GRIK3: variants seen among roughly 807,000 people sequenced by gnomAD.
GRIK3 encodes the protein glutamate receptor ionotropic, kainate 3.
Under a neutral mutation model 102.5 loss-of-function variants are expected in GRIK3, and 29 were observed. The ratio of observed to expected loss-of-function variants is 0.28; its 90% CI spans 0.21 to 0.39. GRIK3 has a LOEUF of 0.39. Ranked by LOEUF, GRIK3 falls within the 10% of genes least tolerant of loss-of-function variation. The pLI, the probability that GRIK3 is intolerant of heterozygous loss-of-function variation, is 1.00. For synonymous variants in GRIK3, 511 were observed against 504.9 expected, an observed-to-expected ratio of 1.01 and a Z score of -0.16; for missense variants, 908 against 1,252.4, an observed-to-expected ratio of 0.73 and a Z score of 4.15.
chr1:36,944,909 A>T (rs1017483911), intron 1 of GRIK3, among the ~76,000 whole-genome samples: 1 of 152,060 alleles, frequency 6.6e-6, no homozygotes. Context: ...TGCCATCTTT[A>T]TATTATGGTC....
chr1:36,853,612 C>T lies in GRIK3; in HGVS notation c.1212+3G>A. ...CTGCCCTCCCTCTCCTGAGACCACG[C>T]ACCTTCTCCAGGCCATCCTCTTTCA... On this transcript the variant is annotated splice_donor_region_variant and intron_variant, in intron 8 of 15. Coordinates refer to ENST00000373091, the MANE Select transcript of GRIK3 (RefSeq NM_000831.4). The T allele has an allele frequency of 6.3e-7, 1 of 1,598,698 alleles. No individual in the cohort carries two copies. Among genetic ancestry groups the T allele is most frequent in the East Asian group, 2.2e-5 (1 of 44,808 alleles).
intron 2 of GRIK3, among the ~76,000 whole-genome samples, chr1:36,884,948 A>G (rs1216088894): frequency 1.3e-5 from 2 of 152,232 alleles, no homozygotes; most frequent in African/African-American, 4.8e-5. Context: ...GAGTGGACCA[A>G]CACAAAGTCT....
In GRIK3 at chr1:36,894,346, T is replaced by A. The variant is rs950287826; in HGVS notation, c.116-3250A>T. On this transcript the variant is annotated intron_variant, in intron 1 of 15. Transcript: ENST00000373091. ...GTATCAGTACTTTATTCCTCTTTATTGCTAAATAATATTACTTTGTATAGA... is the reference window on the plus strand; with the variant it reads ...GTATCAGTACTTTATTCCTCTTTATAGCTAAATAATATTACTTTGTATAGA... Among the ~76,000 whole-genome samples the A allele has an allele frequency of 3.9e-5, 6 of 152,378 alleles. No homozygotes were observed. The South Asian group carries it at 1.0e-3, about 26-fold the overall frequency.
intron 13 of GRIK3, among the ~76,000 whole-genome samples, chr1:36,811,136 A>G (rs1373523096): frequency 2.6e-5 from 4 of 152,214 alleles, no homozygotes; most frequent in Non-Finnish European, 5.9e-5. Context: ...AGGTGTGTGA[A>G]GCGTTTAACA....
Position 37,030,201 on chromosome 1 carries a change from C to A in GRIK3, c.115+3793G>T, listed in dbSNP as rs192587855. Among the ~76,000 whole-genome samples the A allele has an allele frequency of 3.8e-4, 58 of 152,312 alleles. 1 individual carries two copies. In the East Asian group the frequency reaches 0.011, roughly 29 times the overall value. ...AGCTATTTACTTCCAGGGGGGAAAA[C>A]CCTATTGATCTTCATTCAGCTGCTG... On this transcript the variant is annotated intron_variant, in intron 1 of 15. Coordinates refer to ENST00000373091, the MANE Select transcript of GRIK3 (RefSeq NM_000831.4).
At chr1:37,013,866 A>G (rs1642624442) in intron 1 of GRIK3, among the ~76,000 whole-genome samples, 1 of 152,216 alleles carries the variant, frequency 6.6e-6, no homozygotes, top group African/African-American at 2.4e-5. Context: ...AAGCCCCAAG[A>G]CAAAGTTGGA....
chr1:36,913,351 G>T (rs1185232527), intron 1 of GRIK3, among the ~76,000 whole-genome samples: 1 of 152,210 alleles, frequency 6.6e-6, no homozygotes, highest in African/African-American at 2.4e-5. Context: ...ATGAGAGTGG[G>T]CAGAGGCGAG....
chr1:36,991,972 G>A (rs1312650309), intron 1 of GRIK3, among the ~76,000 whole-genome samples: 1 of 152,220 alleles, frequency 6.6e-6, no homozygotes, highest in African/African-American at 2.4e-5. Context: ...GATGGGCTGG[G>A]AAGGGGACTG....
chr1:36,817,383 C>A, intron 12 of GRIK3, 106 bp from the exon 13 acceptor site: 2 of 753,940 alleles, frequency 2.7e-6, no homozygotes, highest in East Asian at 2.6e-5. Context: ...AGCTAAGGCC[C>A]TTTCCCAAGA....
At chr1:36,950,937 T>C (rs138939990) in intron 1 of GRIK3, among the ~76,000 whole-genome samples, 1,652 of 152,126 alleles carry the variant, frequency 0.011, 28 homozygotes, top group African/African-American at 0.038. Flanking sequence ...GGGTTTGGGG[T>C]GGGGCATGAT....
At chr1:36,974,935 C>T (rs539571983) in intron 1 of GRIK3, among the ~76,000 whole-genome samples, 146 of 152,134 alleles carry the variant, frequency 9.6e-4, no homozygotes, top group Non-Finnish European at 1.7e-3. Context: ...ATATGAGGTA[C>T]CTAGAATAGG....
In GRIK3 at chr1:36,812,990, C is replaced by T. The variant is rs548999335; in HGVS notation, c.2091+4070G>A. On this transcript the variant is annotated intron_variant, in intron 13 of 15. Coordinates refer to ENST00000373091, the MANE Select transcript of GRIK3 (RefSeq NM_000831.4). ...TCAACACGTATTATTAGAGCAACTA[C>T]GACGTGCCAGGGCTGTGCAGGGCTG... 3.5e-4 allele frequency among the ~76,000 whole-genome samples: 54 copies of T among 152,354 alleles called. No homozygotes were observed. The South Asian group carries it at 0.011, about 30-fold the overall frequency.
chr1:36,893,319 G>A (rs1182347684), intron 1 of GRIK3, among the ~76,000 whole-genome samples: 1 of 152,052 alleles, frequency 6.6e-6, no homozygotes, highest in African/African-American at 2.4e-5. Flanking sequence ...TTTATAAAAA[G>A]CTCTTAAATT....
chr1:36,815,687 A>C (rs868241601), intron 13 of GRIK3, among the ~76,000 whole-genome samples: 9 of 152,162 alleles, frequency 5.9e-5, no homozygotes, highest in Admixed American at 2.0e-4. Context: ...TTAGAAATGC[A>C]CATTCTCGGC....
chr1:36,799,436 A>T lies in GRIK3; in HGVS notation c.*2415T>A, dbSNP rs1642407941. The T allele has an allele frequency of 6.6e-6, 1 of 152,024 alleles. No homozygotes were observed. The highest frequency in any genetic ancestry group is 1.5e-5 in the Non-Finnish European group (1 of 68,162). 9.4% of individuals were successfully genotyped at this position (152,024 alleles called of 1,614,324 possible). Reference sequence around the variant, plus strand: ...AGCATGCATTGACCCATGTCACACGACTCTCTGGTCCTGGCCTTCCCCCCG... The same window carrying T: ...AGCATGCATTGACCCATGTCACACGTCTCTCTGGTCCTGGCCTTCCCCCCG... On this transcript the variant is annotated 3_prime_UTR_variant, in exon 16 of 16. Transcript: ENST00000373091.
At chr1:37,014,839 T>TTCTTA (rs200166893) in intron 1 of GRIK3, among the ~76,000 whole-genome samples, 2 of 125,886 alleles carry the variant, frequency 1.6e-5, no homozygotes, top group Admixed American at 7.6e-5. Context: ...TTAGCCTCTT[T>TTCTTA]TCTTATCTTT....
chr1:36,938,746 A>G (rs1641687131), intron 1 of GRIK3, among the ~76,000 whole-genome samples: 1 of 152,074 alleles, frequency 6.6e-6, no homozygotes, highest in African/African-American at 2.4e-5. Flanking sequence ...CCTGAGCCCA[A>G]CTCCCTGACC....
chr1:36,891,150 C>G, intron 1 of GRIK3, 54 bp from the exon 2 acceptor site: 1 of 1,378,732 alleles, frequency 7.3e-7, no homozygotes, highest in Non-Finnish European at 1.0e-6. Flanking sequence ...GGGGCTCTAG[C>G]AAGGATGCTT....
At chr1:36,883,036 C>T (rs1641000139) in intron 2 of GRIK3, among the ~76,000 whole-genome samples, 1 of 152,134 alleles carries the variant, frequency 6.6e-6, no homozygotes, top group African/African-American at 2.4e-5. Flanking sequence ...GACAGAGCAC[C>T]GAAGCAGGAA....
Sources: gnomAD v4.1 joint callset for allele counts (sites outside exome capture counted in the v4.1 genomes callset) on GRCh38, gnomAD v4.1.1 for gene constraint, MANE v1.5 for transcripts, NCBI Gene and HGNC (gene_info 2026-07-23, HGNC 2026-07-21) for gene names.